Variants in RASGRP3 observed in about 807,000 individuals in gnomAD.
RASGRP3 encodes the protein ras guanyl-releasing protein 3.
RASGRP3 carries 54 observed loss-of-function variants against 82.7 expected under a neutral mutation model. The ratio of observed to expected loss-of-function variants is 0.65; its 90% CI spans 0.52 to 0.82. The LOEUF is 0.82. RASGRP3 is among the 40% of genes least tolerant of loss of function. The pLI is 0.00. For synonymous variants in RASGRP3, 309 were observed against 300.5 expected (o/e 1.03, Z -0.29); for missense variants, 861 against 828.9 (o/e 1.04, Z -0.48).
intron 1 of RASGRP3, among the ~76,000 whole-genome samples, chr2:33,446,013 A>C (rs1665480125): frequency 6.6e-6 from 1 of 152,212 alleles, no homozygotes; most frequent in South Asian, 2.1e-4. Flanking sequence ...TTAGGTAGAG[A>C]GACCTTTTTT....
At chr2:33,519,132 A>G (rs960036112) in intron 4 of RASGRP3, among the ~76,000 whole-genome samples, 5 of 152,158 alleles carry the variant, frequency 3.3e-5, no homozygotes, top group African/African-American at 2.4e-5. Flanking sequence ...ATCACTACAA[A>G]CACATGAGTA....
At position 33,513,053 on chromosome 2, in the gene RASGRP3, A is replaced by G. The variant is rs541882631; in HGVS notation, c.-128+1211A>G. On this transcript the variant is annotated intron_variant, in intron 2 of 17. Transcript: ENST00000403687. ...TCAGGAAAGGCCTTACAGATAAGGTAACTTTGTTAAAAGATATAAAAAAGT... is the reference window on the plus strand; with the variant it reads ...TCAGGAAAGGCCTTACAGATAAGGTGACTTTGTTAAAAGATATAAAAAAGT... 6.6e-5 allele frequency among the ~76,000 whole-genome samples: 10 copies of G among 152,380 alleles called. No homozygotes were observed. The East Asian group carries it at 1.9e-3, about 29-fold the overall frequency.
chr2:33,476,501 G>A (rs1252221843), upstream of RASGRP3: 1 of 152,226 alleles, frequency 6.6e-6, no homozygotes, highest in East Asian at 1.9e-4. Context: ...CAGGGGTTAT[G>A]AGGTGGTTTG....
chr2:33,477,893 A>C (rs1558420637), intron 1 of RASGRP3, among the ~76,000 whole-genome samples: 1 of 152,122 alleles, frequency 6.6e-6, no homozygotes, highest in Non-Finnish European at 1.5e-5. Context: ...AGTCTCACCA[A>C]ATAGTTGTTT....
At chr2:33,490,635 G>T (rs373093842) in intron 1 of RASGRP3, among the ~76,000 whole-genome samples, 1 of 152,216 alleles carries the variant, frequency 6.6e-6, no homozygotes. Flanking sequence ...ACCTCTAGAT[G>T]TTGGAAAGCC....
At position 33,468,248 on chromosome 2, in the gene RASGRP3, A is replaced by G. The variant is rs970214649; in HGVS notation, c.-261+20305A>G. Among the ~76,000 whole-genome samples the G allele has an allele frequency of 8.0e-4, 122 of 152,266 alleles. 1 individual carries two copies. The highest frequency in any genetic ancestry group is 2.9e-3 in the African/African-American group (122 of 41,548). ...TATATGTGACCCCCAACTCCCAGAA[A>G]TAATCACTATTAAAAATTTGATATA... is the stretch of plus-strand genomic sequence containing the variant. On this transcript the variant is annotated intron_variant, in intron 2 of 18. Transcript: ENST00000402538.
rs777576243 is a variant in RASGRP3, at chr2:33,527,218, T to G, written c.889T>G (p.Phe297Val). ...YRKAFADCDG[F>V]KIPILGVHLK... is the part of the protein sequence containing the mutation. ...CAAGGCCTTTGCCGACTGCGATGGCTTCAAAATCCCCATCCTTGGAGTACA... is the reference window on the plus strand; with the variant it reads ...CAAGGCCTTTGCCGACTGCGATGGCGTCAAAATCCCCATCCTTGGAGTACA... Residue 297 changes from phenylalanine (F) to valine (V), a missense_variant, in exon 10 of 18, where the codon TTC becomes GTC. Phe to Val is a conservative substitution (Grantham distance 50). Transcript: ENST00000403687. The G allele has an allele frequency of 6.2e-7, 1 of 1,614,018 alleles. No homozygotes were observed. Among genetic ancestry groups the G allele is most frequent in the Non-Finnish European group, 8.5e-7 (1 of 1,179,874 alleles).
At chr2:33,535,631 G>A (rs1673533427) in intron 11 of RASGRP3, among the ~76,000 whole-genome samples, 1 of 152,228 alleles carries the variant, frequency 6.6e-6, no homozygotes, top group African/African-American at 2.4e-5. Context: ...TTAAAATAGT[G>A]CATATGCTTC....
chr2:33,437,781 A>G (rs923141190), intron 1 of RASGRP3, among the ~76,000 whole-genome samples: 8 of 152,174 alleles, frequency 5.3e-5, no homozygotes, highest in African/African-American at 1.9e-4. Flanking sequence ...AAAGTATAAT[A>G]TGTTTGAATA....
intron 1 of RASGRP3, among the ~76,000 whole-genome samples, chr2:33,487,848 C>A (rs796881380): frequency 3.3e-5 from 5 of 152,332 alleles, no homozygotes; most frequent in African/African-American, 1.2e-4. Flanking sequence ...GCTTGTAATT[C>A]TAGCGCTTTG....
intron 2 of RASGRP3, among the ~76,000 whole-genome samples, chr2:33,460,516 A>ATT (rs746782383): frequency 0.011 from 1,514 of 140,668 alleles, 25 homozygotes; most frequent in African/African-American, 0.037. Flanking sequence ...TTTAGATATA[A>ATT]TTTTTTTTTT....
At chr2:33,438,069 A>C (rs542828336) in intron 1 of RASGRP3, among the ~76,000 whole-genome samples, 2 of 152,210 alleles carry the variant, frequency 1.3e-5, no homozygotes, top group Non-Finnish European at 2.9e-5. Context: ...TGTTGAACTC[A>C]TTTCCCTTAG....
chr2:33,447,872 C>A (rs1478518298), exon 2 of RASGRP3: 2 of 152,160 alleles, frequency 1.3e-5, no homozygotes, highest in African/African-American at 4.8e-5. Flanking sequence ...AAACTACACC[C>A]AATCTACCTG....
At chr2:33,513,233 G>A (rs1048670810) in intron 2 of RASGRP3, among the ~76,000 whole-genome samples, 13 of 152,152 alleles carry the variant, frequency 8.5e-5, no homozygotes, top group African/African-American at 2.9e-4. Flanking sequence ...ACAAGAATCT[G>A]GTTCTTTCAC....
chr2:33,525,341 AAT>A (rs35258741), intron 9 of RASGRP3, among the ~76,000 whole-genome samples: 18,943 of 149,336 alleles, frequency 0.13, 1,625 homozygotes, highest in Admixed American at 0.17. Context: ...AATTGTCATG[AAT>A]ATATATATAT....
At chr2:33,532,672 T>A (rs1392405596) in intron 10 of RASGRP3, 1 of 152,164 alleles carries the variant, frequency 6.6e-6, no homozygotes, top group Non-Finnish European at 1.5e-5. Context: ...GTAAGCAGGA[T>A]TGTCATGATC....
chr2:33,521,385 A>G (rs1426419022), intron 6 of RASGRP3, among the ~76,000 whole-genome samples: 2 of 152,216 alleles, frequency 1.3e-5, no homozygotes, highest in African/African-American at 4.8e-5. Context: ...ACGTATTCAT[A>G]GTCTACTCTG....
intron 1 of RASGRP3, among the ~76,000 whole-genome samples, chr2:33,509,440 C>T (rs1670722140): frequency 6.6e-6 from 1 of 152,048 alleles, no homozygotes; most frequent in Admixed American, 6.6e-5. Context: ...ATTCTCCTTT[C>T]AAACAATGGC....
At chr2:33,473,229 A>G (rs573915399), upstream of RASGRP3, among the ~76,000 whole-genome samples, 170 of 152,174 alleles carry the variant, frequency 1.1e-3, no homozygotes, top group Admixed American at 1.8e-3. Flanking sequence ...TAAAAATACA[A>G]AAAATTAGCT....
Sources: allele counts gnomAD v4.1 joint callset (sites outside exome capture counted in the v4.1 genomes callset), GRCh38; gene constraint gnomAD v4.1.1; transcripts MANE v1.5; gene names NCBI Gene and HGNC (gene_info 2026-07-23, HGNC 2026-07-21).